FAM193A: variants seen among roughly 807,000 people sequenced by gnomAD.
FAM193A encodes family with sequence similarity 193 member A, also known as protein FAM193A.
Under a neutral mutation model 126.5 loss-of-function variants are expected in FAM193A, and 22 were observed. That is an observed-to-expected ratio of 0.17 (90% confidence interval 0.12 to 0.25). The LOEUF is 0.25. Ranked by LOEUF, FAM193A falls within the 10% of genes least tolerant of loss-of-function variation. FAM193A has a pLI of 1.00. For missense variants in FAM193A, 1,675 were observed against 1,672.8 expected (o/e 1.00, Z -0.02); for synonymous variants, 761 against 646.8 (o/e 1.18, Z -2.68).
chr4:2,674,944 A>G (rs1714232527), intron 13 of FAM193A, among the ~76,000 whole-genome samples: 1 of 152,208 alleles, frequency 6.6e-6, no homozygotes. Flanking sequence ...AGTATAAGTT[A>G]TTTGAAAGTT....
chr4:2,538,119 T>C (rs532901625), intron 1 of FAM193A, among the ~76,000 whole-genome samples: 70 of 152,194 alleles, frequency 4.6e-4, no homozygotes, highest in Admixed American at 2.1e-3. Context: ...TTAAATTATG[T>C]AGTTTTAAAG....
At chr4:2,624,385 C>T (rs1298752281) in intron 2 of FAM193A, among the ~76,000 whole-genome samples, 1 of 152,214 alleles carries the variant, frequency 6.6e-6, no homozygotes, top group Non-Finnish European at 1.5e-5. Flanking sequence ...CTCAGGTGAT[C>T]CGCCTGCCTC....
intron 19 of FAM193A, chr4:2,715,406 T>C: frequency 1.5e-6 from 1 of 662,312 alleles, no homozygotes; most frequent in Non-Finnish European, 1.9e-6. Flanking sequence ...GAGGTTCCAG[T>C]GAGCCGAGAT....
chr4:2,590,506 C>CA (rs150589938), intron 1 of FAM193A, among the ~76,000 whole-genome samples: 5,725 of 33,152 alleles, frequency 0.17, 1,290 homozygotes, highest in East Asian at 0.23. Flanking sequence ...CAAAAAAAAA[C>CA]AAAAAAAAAA....
intron 1 of FAM193A, among the ~76,000 whole-genome samples, chr4:2,592,024 C>T (rs1364097071): frequency 6.6e-6 from 1 of 152,086 alleles, no homozygotes; most frequent in East Asian, 1.9e-4. Flanking sequence ...TATATATTTA[C>T]ATATTTCATC....
chr4:2,687,126 G>A (rs1056285371), intron 13 of FAM193A, among the ~76,000 whole-genome samples: 7 of 151,980 alleles, frequency 4.6e-5, no homozygotes, highest in Non-Finnish European at 7.4e-5. Context: ...CAGTGGACTC[G>A]CTGAGCTGTC....
chr4:2,665,248 T>C (rs751188833), intron 12 of FAM193A, among the ~76,000 whole-genome samples: 1 of 152,250 alleles, frequency 6.6e-6, no homozygotes, highest in South Asian at 2.1e-4. Context: ...TAATTTTGAT[T>C]TCCAATTGAT....
intron 19 of FAM193A, among the ~76,000 whole-genome samples, chr4:2,709,211 A>G (rs1045958712): frequency 1.3e-5 from 2 of 152,172 alleles, no homozygotes; most frequent in Non-Finnish European, 1.5e-5. Context: ...ACATTATTTG[A>G]TTTTTAAGTA....
chr4:2,587,832 G>A (rs528713463), intron 1 of FAM193A, among the ~76,000 whole-genome samples: 5 of 152,310 alleles, frequency 3.3e-5, no homozygotes, highest in South Asian at 4.1e-4. Context: ...AGAGGAGATC[G>A]TTGTGTTTCT....
In FAM193A at chr4:2,693,845, C is replaced by G. The variant is rs1249035915; in HGVS notation, c.3063C>G (p.Gly1021=). 6.2e-7 allele frequency: 1 copy of G among 1,614,188 alleles called. No homozygotes were observed. ...CPAPLPPATD[G]SISAPPSVCS... is the part of the protein sequence containing the mutation. ...CACCCCTACCCCCGGCCACAGATGG[C>G]TCCATTAGCGCCCCTCCAAGTGTCT... The change falls in exon 16 of 21, where the codon GGC becomes GGG. Residue 1021 remains glycine, a synonymous_variant. Transcript: ENST00000637812.
intron 13 of FAM193A, among the ~76,000 whole-genome samples, chr4:2,688,426 G>A (rs769622204): frequency 4.2e-4 from 64 of 152,202 alleles, no homozygotes; most frequent in Non-Finnish European, 7.5e-4. Context: ...GGATGAGTGC[G>A]AGTGTGGTAG....
At chr4:2,555,507 A>C (rs189168617) in intron 1 of FAM193A, among the ~76,000 whole-genome samples, 96 of 152,332 alleles carry the variant, frequency 6.3e-4, no homozygotes, top group African/African-American at 2.1e-3. Context: ...AGCTGGGTGC[A>C]GTGGTTTACA....
At chr4:2,559,712 C>G (rs544529672) in intron 1 of FAM193A, among the ~76,000 whole-genome samples, 1 of 152,148 alleles carries the variant, frequency 6.6e-6, no homozygotes, top group Non-Finnish European at 1.5e-5. Context: ...TGCCTTTGTA[C>G]GTGAGCACCA....
chr4:2,550,546 C>A (rs1410149443), intron 1 of FAM193A, among the ~76,000 whole-genome samples: 1 of 151,734 alleles, frequency 6.6e-6, no homozygotes, highest in African/African-American at 2.4e-5. Flanking sequence ...AAGCGATTCT[C>A]CTGCCCCAGC....
rs188069084 is a variant in FAM193A, at chr4:2,727,953, T to A, written c.4455-3822T>A. Among the ~76,000 whole-genome samples the A allele has an allele frequency of 8.2e-3, 1,226 of 150,110 alleles. 8 individuals are homozygous for A. Among genetic ancestry groups the A allele is most frequent in the Non-Finnish European group, 0.012 (821 of 67,388 alleles). On this transcript the variant is annotated intron_variant, in intron 20 of 20. Coordinates refer to ENST00000637812, the MANE Select transcript of FAM193A (RefSeq NM_001366318.2). Reference sequence around the variant, plus strand: ...AAAAAAAAAAAAATTATTTTATTTATTTTTTTTTTGAGATGGAGTTTTGCT... The same window carrying A: ...AAAAAAAAAAAAATTATTTTATTTAATTTTTTTTTGAGATGGAGTTTTGCT...
intron 1 of FAM193A, among the ~76,000 whole-genome samples, chr4:2,583,022 G>T (rs560707118): frequency 5.5e-4 from 83 of 152,288 alleles, no homozygotes; most frequent in Non-Finnish European, 1.0e-3. Context: ...AGGCTGGAGT[G>T]CAGTGGCACG....
intron 2 of FAM193A, among the ~76,000 whole-genome samples, chr4:2,598,843 G>A (rs1357787428): frequency 6.6e-6 from 1 of 152,136 alleles, no homozygotes; most frequent in East Asian, 1.9e-4. Flanking sequence ...CTTCCTCCTT[G>A]GCAAGGTCTC....
chr4:2,649,117 T>C (rs1317098112), intron 7 of FAM193A, among the ~76,000 whole-genome samples: 2 of 152,220 alleles, frequency 1.3e-5, no homozygotes, highest in African/African-American at 4.8e-5. Flanking sequence ...CTCACACCTA[T>C]AATTTCAGCA....
chr4:2,600,604 G>A lies in FAM193A; in HGVS notation c.501+4275G>A, dbSNP rs1007664908. The stretch of plus-strand genomic sequence containing the variant: ...TTGCTCAGCTCAGCTATTGACCTTC[G>A]TGCTTCAGGGAGAAAATCAAAGTTA... On this transcript the variant is annotated intron_variant, in intron 2 of 20. Transcript: ENST00000637812. Among the ~76,000 whole-genome samples the A allele has an allele frequency of 5.9e-5, 9 of 152,044 alleles. No homozygotes were observed. The South Asian group carries it at 8.3e-4, about 14-fold the overall frequency.
Sources: gnomAD v4.1 joint callset for allele counts (sites outside exome capture counted in the v4.1 genomes callset) on GRCh38, gnomAD v4.1.1 for gene constraint, MANE v1.5 for transcripts, NCBI Gene and HGNC (gene_info 2026-07-23, HGNC 2026-07-21) for gene names.